POLDIP3: variants seen among roughly 807,000 people sequenced by gnomAD.
POLDIP3 encodes DNA polymerase delta interacting protein 3, also known as polymerase delta-interacting protein 3.
A neutral mutation model predicts 45.1 loss-of-function variants in POLDIP3; 14 were observed. The observed-to-expected ratio is 0.31, with a 90% CI of 0.20 to 0.49. POLDIP3 has a LOEUF of 0.49. POLDIP3 is among the 20% of genes least tolerant of loss of function. The pLI, the probability that POLDIP3 is intolerant of heterozygous loss-of-function variation, is 0.99. For synonymous variants in POLDIP3, 223 were observed against 205.2 expected (o/e 1.09, Z -0.74); for missense variants, 511 against 538.8 (o/e 0.95, Z 0.51).
chr22:42,612,473 A>C (rs1199645318), intron 1 of POLDIP3, among the ~76,000 whole-genome samples: 1 of 152,198 alleles, frequency 6.6e-6, no homozygotes, highest in African/African-American at 2.4e-5. Flanking sequence ...TATGCCTTTA[A>C]GGAAAGGTCC....
intron 6 of POLDIP3, 110 bp from the exon 7 acceptor site, chr22:42,592,194 T>C: frequency 6.6e-7 from 1 of 1,505,898 alleles, no homozygotes; most frequent in South Asian, 1.2e-5. Context: ...AAATGCGCCC[T>C]GCGCCTGAGA....
rs1208058678 is a variant in POLDIP3, at chr22:42,583,850, G to C, written c.*1941C>G. ...ACATAGAGGCATGGGAAGTGGAGGA[G>C]GACACAGGACTAGCCCACCACCTTC... On this transcript the variant is annotated 3_prime_UTR_variant, in exon 9 of 9. Coordinates refer to ENST00000252115, the MANE Select transcript of POLDIP3 (RefSeq NM_032311.5). 2.6e-5 allele frequency: 4 copies of C among 152,590 alleles called. No individual in the cohort carries two copies. The highest frequency in any genetic ancestry group is 1.3e-4 in the Admixed American group (2 of 15,244). The allele number at this position is 152,590 out of a possible 1,614,324, so 9.5% of individuals were successfully genotyped here.
At chr22:42,587,979 C>T (rs933581464) in intron 7 of POLDIP3, among the ~76,000 whole-genome samples, 6 of 152,202 alleles carry the variant, frequency 3.9e-5, no homozygotes, top group African/African-American at 1.4e-4. Flanking sequence ...GAAGACCACA[C>T]TCCCACTGTA....
intron 1 of POLDIP3, among the ~76,000 whole-genome samples, chr22:42,614,165 C>CTG (rs1182408942): frequency 1.3e-5 from 2 of 152,210 alleles, no homozygotes; most frequent in Non-Finnish European, 2.9e-5. Context: ...GCAAGTCACT[C>CTG]TACCACTTCC....
At chr22:42,612,057 C>T (rs890177806) in intron 1 of POLDIP3, among the ~76,000 whole-genome samples, 8 of 152,124 alleles carry the variant, frequency 5.3e-5, no homozygotes. Flanking sequence ...ACTCAGCATG[C>T]ACTCCAGGTT....
chr22:42,598,518 T>C (rs1291567876), intron 4 of POLDIP3, among the ~76,000 whole-genome samples: 1 of 152,168 alleles, frequency 6.6e-6, no homozygotes, highest in Non-Finnish European at 1.5e-5. Context: ...CCGAAAGTGC[T>C]GGGATTACAG....
chr22:42,602,223 A>G (rs1392804141), intron 2 of POLDIP3, 167 bp from the exon 3 acceptor site: 12 of 1,114,920 alleles, frequency 1.1e-5, no homozygotes, highest in Non-Finnish European at 1.5e-5. Flanking sequence ...AAGAATCATC[A>G]ATCCAGAGAC....
chr22:42,605,181 G>A (rs137923492), intron 1 of POLDIP3, among the ~76,000 whole-genome samples: 21 of 152,366 alleles, frequency 1.4e-4, no homozygotes, highest in East Asian at 1.9e-4. Context: ...AGGCTGGAGT[G>A]CAGTGGCGCA....
At chr22:42,589,816 C>T (rs895465982) in intron 7 of POLDIP3, among the ~76,000 whole-genome samples, 5 of 150,922 alleles carry the variant, frequency 3.3e-5, no homozygotes, top group African/African-American at 1.2e-4. Context: ...TGCACTCCAG[C>T]CTGGGTGACA....
At chr22:42,591,096 AAAAAAT>A (rs1925641178) in intron 7 of POLDIP3, among the ~76,000 whole-genome samples, 1 of 151,070 alleles carries the variant, frequency 6.6e-6, no homozygotes, top group African/African-American at 2.4e-5. Context: ...AAAAAATAAT[AAAAAAT>A]AAAAATAAAA....
At chr22:42,592,482 G>A (rs1390465790) in intron 6 of POLDIP3, among the ~76,000 whole-genome samples, 1 of 152,170 alleles carries the variant, frequency 6.6e-6, no homozygotes, top group Admixed American at 6.5e-5. Flanking sequence ...TACAAATTCT[G>A]GAGTTCTACC....
chr22:42,603,185 A>G, intron 1 of POLDIP3, 25 bp from the exon 2 acceptor site: 3 of 1,606,366 alleles, frequency 1.9e-6, no homozygotes, highest in Non-Finnish European at 2.6e-6. Context: ...TGCAATCAAT[A>G]TTAAGTGGAT....
chr22:42,595,771 C>T (rs910504240), intron 5 of POLDIP3, among the ~76,000 whole-genome samples, 157 bp from the exon 6 acceptor site: 4 of 152,160 alleles, frequency 2.6e-5, no homozygotes, highest in African/African-American at 9.7e-5. Context: ...CACTACACCC[C>T]CCATCACTCT....
At position 42,596,141 on chromosome 22, in the gene POLDIP3, C is replaced by T. The variant is rs138829789; in HGVS notation, c.813+45G>A. The T allele has an allele frequency of 1.0e-4, 159 of 1,590,562 alleles. No individual in the cohort carries two copies. The African/African-American group carries it at 1.7e-3, about 17-fold the overall frequency. ...ACACAATGAGGTACATATAAGCATACAGCCCTCCTGACCCCAACTGCTGCA... is the reference window on the plus strand; with the variant it reads ...ACACAATGAGGTACATATAAGCATATAGCCCTCCTGACCCCAACTGCTGCA... On this transcript the variant is annotated intron_variant, in intron 5 of 8. Coordinates refer to ENST00000252115, the MANE Select transcript of POLDIP3 (RefSeq NM_032311.5).
At chr22:42,587,282 G>A (rs909762295) in intron 8 of POLDIP3, among the ~76,000 whole-genome samples, 6 of 152,174 alleles carry the variant, frequency 3.9e-5, no homozygotes, top group African/African-American at 1.4e-4. Flanking sequence ...TCAGAAAGCT[G>A]AGAACGAGAT....
At position 42,587,582 on chromosome 22, in the gene POLDIP3, CAAAG is replaced by C; in HGVS notation, c.1022-14_1022-11del. 2 of 1,612,458 alleles carry C rather than the reference CAAAG, an allele frequency of 1.2e-6. No homozygotes were observed. Among genetic ancestry groups the C allele is most frequent in the South Asian group, 1.1e-5 (1 of 91,048 alleles). ...CACTTCATCGGCTGCCCTGAAAAAC[CAAAG>C]AAAGAAAAAGGCTCTGCTATGAGAC... On this transcript the variant is annotated splice_polypyrimidine_tract_variant and intron_variant, in intron 7 of 8. Transcript: ENST00000252115.
At chr22:42,589,100 G>A (rs1271459457) in intron 7 of POLDIP3, among the ~76,000 whole-genome samples, 1 of 151,972 alleles carries the variant, frequency 6.6e-6, no homozygotes, top group African/African-American at 2.4e-5. Flanking sequence ...AAAATTAGCT[G>A]AGTGTGGTGG....
intron 2 of POLDIP3, among the ~76,000 whole-genome samples, chr22:42,602,568 T>G (rs1004899561): frequency 6.6e-6 from 1 of 152,210 alleles, no homozygotes. Flanking sequence ...TTTTTCTTTT[T>G]TTTTAGAACT....
At chr22:42,599,877 GGCT>G (rs1926243003) in intron 3 of POLDIP3, 84 bp from the exon 4 acceptor site, 1 of 995,452 alleles carries the variant, frequency 1.0e-6, no homozygotes, top group African/African-American at 1.7e-5. Flanking sequence ...GCAAGGAAAT[GGCT>G]GCTGGAGAAA....
Sources: allele counts gnomAD v4.1 joint callset (sites outside exome capture counted in the v4.1 genomes callset), GRCh38; gene constraint gnomAD v4.1.1; transcripts MANE v1.5; gene names NCBI Gene and HGNC (gene_info 2026-07-23, HGNC 2026-07-21).